The following PRUNE2 variants were observed in gnomAD, a reference collection of about 807,000 sequenced individuals.
The protein encoded by PRUNE2 is protein prune homolog 2.
A neutral mutation model predicts 252.0 loss-of-function variants in PRUNE2; 164 were observed. That is an observed-to-expected ratio of 0.65 (90% CI 0.57 to 0.74). PRUNE2 has a LOEUF of 0.74. PRUNE2 is among the 30% of genes least tolerant of loss of function. The pLI is 0.00. For missense variants in PRUNE2, 3,495 were observed against 3,711.0 expected (o/e 0.94, Z 1.51); for synonymous variants, 1,292 against 1,350.2 (o/e 0.96, Z 0.94).
At chr9:76,690,995 G>T (rs1195261645) in intron 9 of PRUNE2, among the ~76,000 whole-genome samples, 2 of 152,040 alleles carry the variant, frequency 1.3e-5, no homozygotes, top group African/African-American at 4.8e-5. Context: ...TCATTTTTTT[G>T]ATTGCCAGGC....
chr9:76,746,187 T>A (rs1448564557), intron 6 of PRUNE2, among the ~76,000 whole-genome samples: 1 of 152,120 alleles, frequency 6.6e-6, no homozygotes, highest in African/African-American at 2.4e-5. Context: ...GATAAGACTG[T>A]CTTATCTCTC....
At chr9:76,644,172 T>A (rs1245751101) in intron 12 of PRUNE2, among the ~76,000 whole-genome samples, 1 of 152,170 alleles carries the variant, frequency 6.6e-6, no homozygotes, top group Non-Finnish European at 1.5e-5. Context: ...CTCTCCCTTG[T>A]CTCTCACCAA....
intron 9 of PRUNE2, among the ~76,000 whole-genome samples, chr9:76,689,127 T>G (rs520365): frequency 0.5 from 76,489 of 152,020 alleles, 20,625 homozygotes; most frequent in Admixed American, 0.62. Flanking sequence ...CTCCCCACAC[T>G]AGAGTGAGGA....
chr9:76,703,398 T>C lies in PRUNE2; in HGVS notation c.8215A>G (p.Thr2739Ala), dbSNP rs1237690647. ...AACTCTGTCTCCTCCTCCATTTCCG[T>C]GTCAGGGATCATGTTTTTCTGAACA... is the stretch of plus-strand genomic sequence containing the variant. ...QPVQKNMIPD[T>A]EMEEETEFLE... The change falls in exon 9 of 19, where the codon ACG becomes GCG. Residue 2739 changes from threonine to alanine, a missense_variant. Coordinates refer to ENST00000376718, the MANE Select transcript of PRUNE2 (RefSeq NM_015225.3). 2.5e-6 allele frequency: 4 copies of C among 1,613,230 alleles called. No individual in the cohort carries two copies.
intron 7 of PRUNE2, among the ~76,000 whole-genome samples, chr9:76,712,333 C>T (rs2046799618): frequency 6.6e-6 from 1 of 152,172 alleles, no homozygotes; most frequent in Non-Finnish European, 1.5e-5. Flanking sequence ...CTAACAAGTG[C>T]TGGAGCCTGA....
At chr9:76,898,784 A>C (rs1285350359) in intron 1 of PRUNE2, among the ~76,000 whole-genome samples, 1 of 152,248 alleles carries the variant, frequency 6.6e-6, no homozygotes. Flanking sequence ...TATCAAATGC[A>C]TGGAGCCAAA....
chr9:76,634,420 G>A (rs760557784), intron 15 of PRUNE2, among the ~76,000 whole-genome samples: 19 of 152,180 alleles, frequency 1.2e-4, no homozygotes, highest in Non-Finnish European at 1.2e-4. Context: ...AACATAGTAT[G>A]TAAACAAAAT....
chr9:76,746,944 G>A (rs894551217), intron 6 of PRUNE2, among the ~76,000 whole-genome samples: 1 of 152,154 alleles, frequency 6.6e-6, no homozygotes, highest in African/African-American at 2.4e-5. Context: ...TCAGTTCTAC[G>A]AGCCATTGTA....
intron 6 of PRUNE2, among the ~76,000 whole-genome samples, chr9:76,768,281 C>T (rs2052653597): frequency 6.6e-6 from 1 of 152,152 alleles, no homozygotes. Context: ...CAACCTCCGC[C>T]TCCTGGGTTC....
At chr9:76,655,361 G>T in intron 10 of PRUNE2, 62 bp downstream of exon 10, 1 of 1,168,860 alleles carries the variant, frequency 8.6e-7, no homozygotes, top group African/African-American at 1.5e-5. Flanking sequence ...TTCTTTCACT[G>T]AATAATGAAA....
intron 6 of PRUNE2, among the ~76,000 whole-genome samples, chr9:76,811,134 T>C (rs1443458299): frequency 2.0e-5 from 3 of 152,224 alleles, no homozygotes; most frequent in Non-Finnish European, 4.4e-5. Context: ...CCTAAAAATG[T>C]AATTAGCCAA....
intron 15 of PRUNE2, among the ~76,000 whole-genome samples, chr9:76,630,999 T>C (rs1837400302): frequency 6.6e-6 from 1 of 152,244 alleles, no homozygotes; most frequent in Admixed American, 6.5e-5. Flanking sequence ...AGTAAGAAGC[T>C]TTTTTGAGGT....
At position 76,634,105 on chromosome 9, in the gene PRUNE2, G is replaced by A. The variant is rs767776316; in HGVS notation, c.9050+2366C>T. Among the ~76,000 whole-genome samples, 12 of 152,166 alleles carry A rather than the reference G, an allele frequency of 7.9e-5. No homozygotes were observed. In the South Asian group the frequency reaches 8.3e-4, roughly 11 times the overall value. On this transcript the variant is annotated intron_variant, in intron 15 of 18. Transcript: ENST00000376718. ...CCAGCCTGGGTGACTGAAGGCGACCGTCTCTCAAAACAAAAAACAAACAAA... is the reference window on the plus strand; with the variant it reads ...CCAGCCTGGGTGACTGAAGGCGACCATCTCTCAAAACAAAAAACAAACAAA...
chr9:76,642,907 C>G (rs1192898359), intron 12 of PRUNE2, among the ~76,000 whole-genome samples: 1 of 152,150 alleles, frequency 6.6e-6, no homozygotes, highest in East Asian at 1.9e-4. Context: ...CAAGGCAGGG[C>G]TGGGGAGAGG....
At chr9:76,704,554 C>A (rs2046167885) in intron 8 of PRUNE2, among the ~76,000 whole-genome samples, 1 of 152,266 alleles carries the variant, frequency 6.6e-6, no homozygotes, top group Non-Finnish European at 1.5e-5. Context: ...TAGAGTCATT[C>A]GATTTTCTCG....
Position 76,707,481 on chromosome 9 carries a change from T to G in PRUNE2, c.4793A>C (p.Lys1598Thr). The change falls in exon 8 of 19, where the codon AAA (lysine) becomes ACA (threonine). Residue 1598 changes from lysine (K) to threonine (T), a missense_variant. By Grantham distance (78) the Lys-to-Thr change is moderately conservative. Coordinates refer to ENST00000376718, the MANE Select transcript of PRUNE2 (RefSeq NM_015225.3). ...TCTGTTTTTCTCTAAATCCTTCACTTTGGTAACTATTTCTACTTGGCCATC... is the reference window on the plus strand; with the variant it reads ...TCTGTTTTTCTCTAAATCCTTCACTGTGGTAACTATTTCTACTTGGCCATC... ...TTDGQVEIVT[K>T]VKDLEKNRIN... The G allele has an allele frequency of 6.2e-7, 1 of 1,613,894 alleles. No homozygotes were observed. The highest frequency in any genetic ancestry group is 8.5e-7 in the Non-Finnish European group (1 of 1,179,848).
At chr9:76,852,126 C>T (rs1327284265) in intron 2 of PRUNE2, among the ~76,000 whole-genome samples, 14 of 152,134 alleles carry the variant, frequency 9.2e-5, no homozygotes. Flanking sequence ...ACATAGTAAA[C>T]ATTTAGTACA....
chr9:76,704,965 G>A lies in PRUNE2; in HGVS notation c.7309C>T (p.Arg2437Ter), dbSNP rs767797178. The change falls in exon 8 of 19, where the codon CGA becomes TGA. Residue 2437 changes from arginine (R) to a stop codon, truncating the protein, a stop_gained. Transcript: ENST00000376718. LOFTEE classifies it high-confidence loss of function. ...TCAGCCTGGTTTCCCTCACTTCTTC[G>A]ATCAGGAAGTGCAGAAAGCACTATC... ...AEIVLSALPDRRSEGNQAETK... is the reference protein window; with the variant it reads ...AEIVLSALPD 1.2e-5 allele frequency: 19 copies of A among 1,613,068 alleles called. No individual in the cohort carries two copies. The highest frequency in any genetic ancestry group is 1.5e-5 in the Non-Finnish European group (18 of 1,179,530).
chr9:76,751,105 C>T (rs538666819), intron 6 of PRUNE2, among the ~76,000 whole-genome samples: 3 of 152,228 alleles, frequency 2.0e-5, no homozygotes, highest in Admixed American at 2.0e-4. Context: ...ATACGCATAA[C>T]GCACAAGAAG....
Sources: gnomAD v4.1 joint callset for allele counts (sites outside exome capture counted in the v4.1 genomes callset) on GRCh38, gnomAD v4.1.1 for gene constraint, MANE v1.5 for transcripts, NCBI Gene and HGNC (gene_info 2026-07-23, HGNC 2026-07-21) for gene names.